Variants in TMEM39A observed in about 807,000 individuals in gnomAD.
The protein encoded by TMEM39A is suppressor of SQST-1 aggregates in rpl-43 mutants.
A neutral mutation model predicts 51.9 loss-of-function variants in TMEM39A; 19 were observed. That is an observed-to-expected ratio of 0.37 (90% CI 0.26 to 0.54). The LOEUF (loss-of-function observed/expected upper bound fraction) is 0.54, where lower values mean the gene tolerates loss of function less well. Ranked by LOEUF, TMEM39A falls within the 20% of genes least tolerant of loss-of-function variation. The pLI is 0.88. For missense variants in TMEM39A, 433 were observed against 590.5 expected (o/e 0.73, Z 2.76); for synonymous variants, 197 against 220.2 (o/e 0.89, Z 0.93).
At chr3:119,462,513 T>C (rs1473139610) in intron 1 of TMEM39A, among the ~76,000 whole-genome samples, 2 of 152,140 alleles carry the variant, frequency 1.3e-5, no homozygotes, top group African/African-American at 4.8e-5. Flanking sequence ...ATTGGCACTT[T>C]ATAAAACATT....
intron 1 of TMEM39A, among the ~76,000 whole-genome samples, chr3:119,462,490 G>C (rs1341797529): frequency 6.6e-6 from 1 of 152,072 alleles, no homozygotes; most frequent in Admixed American, 6.5e-5. Context: ...TAAACTACTT[G>C]AAATATAGAA....
At chr3:119,454,262 A>G (rs2081236771) in intron 3 of TMEM39A, among the ~76,000 whole-genome samples, 2 of 152,228 alleles carry the variant, frequency 1.3e-5, no homozygotes, top group African/African-American at 4.8e-5. Flanking sequence ...CAAATTTAGT[A>G]TACATTTTAG....
chr3:119,450,826 C>CAAAAAAA lies in TMEM39A; in HGVS notation c.420+1614_420+1620dup, dbSNP rs60326718. Among the ~76,000 whole-genome samples, 71 of 55,868 alleles carry CAAAAAAA rather than the reference C, an allele frequency of 1.3e-3. 5 individuals are homozygous for CAAAAAAA. Among genetic ancestry groups the CAAAAAAA allele is most frequent in the South Asian group, 0.012 (10 of 826 alleles). The allele number at this position is 55,868 out of a possible 152,430, so 36.7% of individuals were successfully genotyped here. The stretch of plus-strand genomic sequence containing the variant: ...TAGGCGACAGAGCCAGACTCCATCT[C>CAAAAAAA]AAAAAAAAAAAAAAAAAAAAAAAAA... On this transcript the variant is annotated intron_variant, in intron 4 of 8. Transcript: ENST00000319172.
In TMEM39A at chr3:119,430,075, A is replaced by G. The variant is rs1434914901; in HGVS notation, c.*1906T>C. On this transcript the variant is annotated 3_prime_UTR_variant, in exon 9 of 9. Coordinates refer to ENST00000319172, the MANE Select transcript of TMEM39A (RefSeq NM_018266.3). ...AAGAGAAGCATATTTTCAAGATCCT[A>G]CAGAAAGAATAGAAAGATGGCAGAT... The G allele has an allele frequency of 6.6e-6, 1 of 152,164 alleles. No homozygotes were observed. The highest frequency in any genetic ancestry group is 1.5e-5 in the Non-Finnish European group (1 of 68,012). 9.4% of individuals were successfully genotyped at this position (152,164 alleles called of 1,614,324 possible). A position where few individuals can be genotyped will look rare whatever the true frequency, so the allele number is the denominator to read the frequency against.
chr3:119,434,938 T>C, intron 7 of TMEM39A, 56 bp from the exon 8 acceptor site: 1 of 1,586,340 alleles, frequency 6.3e-7, no homozygotes. Flanking sequence ...TAAGATAGCA[T>C]CTGGCAAGGC....
chr3:119,460,128 A>C lies in TMEM39A; in HGVS notation c.113+1834T>G, dbSNP rs547317844. Among the ~76,000 whole-genome samples, 4 of 152,234 alleles carry C rather than the reference A, an allele frequency of 2.6e-5. No homozygotes were observed. In the South Asian group the frequency reaches 8.3e-4, roughly 32 times the overall value. On this transcript the variant is annotated intron_variant, in intron 2 of 8. Transcript: ENST00000319172. The stretch of plus-strand genomic sequence containing the variant: ...TAGTCTTGGTGACTTTTCAAACCAT[A>C]AACAATTATTTCTTTCATTTTAAAA...
chr3:119,457,977 G>A, intron 3 of TMEM39A, 41 bp downstream of exon 3: 2 of 1,465,266 alleles, frequency 1.4e-6, no homozygotes, highest in Non-Finnish European at 1.9e-6. Flanking sequence ...TAGTTTCTTG[G>A]GTAAGTAACA....
chr3:119,438,524 A>G (rs930807930), intron 5 of TMEM39A, among the ~76,000 whole-genome samples: 1 of 152,140 alleles, frequency 6.6e-6, no homozygotes, highest in Non-Finnish European at 1.5e-5. Context: ...ATGTGTGTAT[A>G]TTGAGTATTT....
intron 5 of TMEM39A, among the ~76,000 whole-genome samples, chr3:119,443,162 G>C (rs1035712355): frequency 1.3e-5 from 2 of 150,220 alleles, no homozygotes; most frequent in Non-Finnish European, 3.0e-5. Context: ...TTATGGATAA[G>C]AAAGTTGTTT....
chr3:119,458,401 G>A (rs568094554), intron 2 of TMEM39A, among the ~76,000 whole-genome samples, 161 bp from the exon 3 acceptor site: 7 of 152,174 alleles, frequency 4.6e-5, no homozygotes, highest in Admixed American at 1.3e-4. Flanking sequence ...TTCTGTCAGT[G>A]ATCTAAGATG....
intron 7 of TMEM39A, chr3:119,435,423 T>C (rs1045549947): frequency 2.8e-5 from 27 of 981,050 alleles, no homozygotes; most frequent in Admixed American, 1.3e-4. Context: ...AACACAGCGA[T>C]ACATCTCACA....
intron 3 of TMEM39A, 28 bp downstream of exon 3, chr3:119,457,990 A>T: frequency 6.5e-7 from 1 of 1,545,050 alleles, no homozygotes; most frequent in Non-Finnish European, 8.9e-7. Context: ...AAGTAACATG[A>T]AGAACTTAAA....
At chr3:119,459,781 A>C (rs776165505) in intron 2 of TMEM39A, among the ~76,000 whole-genome samples, 1 of 152,202 alleles carries the variant, frequency 6.6e-6, no homozygotes, top group African/African-American at 2.4e-5. Context: ...TCTCCTCTCC[A>C]GCTGACCTAT....
chr3:119,454,886 ACT>A (rs2081245263), intron 3 of TMEM39A, among the ~76,000 whole-genome samples: 1 of 152,158 alleles, frequency 6.6e-6, no homozygotes, highest in Non-Finnish European at 1.5e-5. Flanking sequence ...CTTATGATTA[ACT>A]CTTTGTAACC....
At chr3:119,455,558 T>C (rs189884658) in intron 3 of TMEM39A, among the ~76,000 whole-genome samples, 3 of 152,118 alleles carry the variant, frequency 2.0e-5, no homozygotes, top group African/African-American at 4.8e-5. Context: ...ATATAAAACT[T>C]GAATAGAAGT....
chr3:119,434,752 C>T lies in TMEM39A; in HGVS notation c.1233+10G>A, dbSNP rs771592230. Reference sequence around the variant, plus strand: ...AAGCTTATGTTTGAAAATAAATAAGCGGTACTTGCATAAAAGCGGGCATGA... The same window carrying T: ...AAGCTTATGTTTGAAAATAAATAAGTGGTACTTGCATAAAAGCGGGCATGA... On this transcript the variant is annotated intron_variant, in intron 8 of 8. Coordinates refer to ENST00000319172, the MANE Select transcript of TMEM39A (RefSeq NM_018266.3). The T allele has an allele frequency of 1.8e-5, 29 of 1,612,838 alleles. No homozygotes were observed. Among genetic ancestry groups the T allele is most frequent in the Non-Finnish European group, 2.4e-5 (28 of 1,179,264 alleles).
intron 4 of TMEM39A, among the ~76,000 whole-genome samples, chr3:119,451,725 G>C (rs1460017028): frequency 6.6e-6 from 1 of 151,414 alleles, no homozygotes; most frequent in East Asian, 1.9e-4. Context: ...AGCTACTTGG[G>C]AGGCTGAGGC....
chr3:119,453,354 T>C (rs2081223530), intron 3 of TMEM39A, among the ~76,000 whole-genome samples: 1 of 152,186 alleles, frequency 6.6e-6, no homozygotes, highest in African/African-American at 2.4e-5. Context: ...ACAGCCAAGG[T>C]TCCTGCTCTC....
Position 119,454,319 on chromosome 3 carries a change from C to A in TMEM39A, c.337-1789G>T, listed in dbSNP as rs143958172. On this transcript the variant is annotated intron_variant, in intron 3 of 8. Coordinates refer to ENST00000319172, the MANE Select transcript of TMEM39A (RefSeq NM_018266.3). Reference sequence around the variant, plus strand: ...AAGAGTGGCTTGCCACTCCTTAGATCATTTCCTTTTCTCCCTCTCTAAGTA... The same window carrying A: ...AAGAGTGGCTTGCCACTCCTTAGATAATTTCCTTTTCTCCCTCTCTAAGTA... Among the ~76,000 whole-genome samples the A allele has an allele frequency of 4.1e-4, 62 of 152,306 alleles. No homozygotes were observed. In the East Asian group the frequency reaches 9.7e-3, roughly 24 times the overall value.
Sources: gnomAD v4.1 joint callset for allele counts (sites outside exome capture counted in the v4.1 genomes callset) on GRCh38, gnomAD v4.1.1 for gene constraint, MANE v1.5 for transcripts, NCBI Gene and HGNC (gene_info 2026-07-23, HGNC 2026-07-21) for gene names.